ADGRB1: variants seen among roughly 807,000 people sequenced by gnomAD.
ADGRB1 encodes the protein brain-specific angiogenesis inhibitor 1.
ADGRB1 carries 36 observed loss-of-function variants against 175.7 expected under a neutral mutation model. That is an observed-to-expected ratio of 0.20 (90% confidence interval 0.16 to 0.27). The LOEUF is 0.27. Ranked by LOEUF, ADGRB1 falls within the 10% of genes least tolerant of loss-of-function variation. The pLI is 1.00. For synonymous variants in ADGRB1, 1,054 were observed against 979.4 expected (o/e 1.08, Z -1.42); for missense variants, 1,731 against 2,255.3 (o/e 0.77, Z 4.71).
chr8:142,477,650 G>T (rs1266217251), intron 6 of ADGRB1, 101 bp downstream of exon 6: 1 of 1,427,836 alleles, frequency 7.0e-7, no homozygotes, highest in East Asian at 2.5e-5. Flanking sequence ...GCCCACTCCA[G>T]ACCCACCTCA....
rs773481885 is a variant in ADGRB1 at position 142,479,761 on chromosome 8, G to A, written c.1795G>A (p.Val599Met). 6.2e-7 allele frequency: 1 copy of A among 1,613,164 alleles called. No homozygotes were observed. Among genetic ancestry groups the A allele is most frequent in the African/African-American group, 1.3e-5 (1 of 74,808 alleles). Residue 599 changes from valine (V) to methionine (M), a missense_variant, in exon 9 of 31, where the codon GTG becomes ATG. By Grantham distance (21) the Val-to-Met change is conservative. Transcript: ENST00000517894. ...VIWKETPAGE[V>M]AAVRCPRNAT... is the part of the protein sequence containing the mutation. The stretch of plus-strand genomic sequence containing the variant: ...CTGGAAGGAGACCCCAGCGGGAGAG[G>A]TGGCTGCTGTCCGGTGTCCCCGCAA...
intron 26 of ADGRB1, among the ~76,000 whole-genome samples, chr8:142,538,588 C>T (rs1845073921): frequency 1.3e-5 from 2 of 152,210 alleles, no homozygotes; most frequent in African/African-American, 4.8e-5. Flanking sequence ...TCCAGGTTTT[C>T]AGTGAAGGGT....
chr8:142,543,396 C>T lies in ADGRB1; in HGVS notation c.4414-7C>T. 1 of 1,613,788 alleles carries T rather than the reference C, an allele frequency of 6.2e-7. No homozygotes were observed. The highest frequency in any genetic ancestry group is 8.5e-7 in the Non-Finnish European group (1 of 1,179,796). On this transcript the variant is annotated splice_region_variant and splice_polypyrimidine_tract_variant and intron_variant, in intron 28 of 30. Coordinates refer to ENST00000517894, the MANE Select transcript of ADGRB1 (RefSeq NM_001702.3). The surrounding 1 kb of genome is among the most constrained non-coding windows in gnomAD (Gnocchi z 4.4). ...GGCGAATGTTCGCAAACCCCTTCTC[C>T]CTGCAGCGGCGGAAGTCGCGGTATG...
intron 19 of ADGRB1, among the ~76,000 whole-genome samples, chr8:142,520,090 GTTGGTT>G (rs1186329197): frequency 5.3e-5 from 8 of 151,022 alleles, no homozygotes; most frequent in African/African-American, 1.7e-4. Context: ...TGATGGCTGT[GTTGGTT>G]ATGGTGATAG....
At chr8:142,502,885 A>C (rs1271554621) in intron 17 of ADGRB1, among the ~76,000 whole-genome samples, 1 of 151,750 alleles carries the variant, frequency 6.6e-6, no homozygotes, top group East Asian at 1.9e-4. Context: ...TGATGGCATG[A>C]TGCTGATGGT....
intron 17 of ADGRB1, among the ~76,000 whole-genome samples, chr8:142,497,317 A>C (rs1165039060): frequency 6.6e-6 from 1 of 152,156 alleles, no homozygotes; most frequent in Non-Finnish European, 1.5e-5. Context: ...GGTCCCTTTA[A>C]GAGCCTCTCC....
intron 2 of ADGRB1, 93 bp downstream of exon 2, chr8:142,465,075 C>T (rs902350167): frequency 8.3e-6 from 4 of 481,386 alleles, no homozygotes; most frequent in African/African-American, 5.2e-5. Context: ...GGGAAGTGGG[C>T]GGACAGAGGA....
At chr8:142,529,431 G>C (rs1410289488) in intron 24 of ADGRB1, among the ~76,000 whole-genome samples, 1 of 152,166 alleles carries the variant, frequency 6.6e-6, no homozygotes, top group African/African-American at 2.4e-5. Context: ...ACCCCCTTGG[G>C]TGTGCTCTCA....
intron 1 of ADGRB1, among the ~76,000 whole-genome samples, chr8:142,456,174 C>T (rs1397461319): frequency 6.6e-6 from 1 of 152,128 alleles, no homozygotes; most frequent in Non-Finnish European, 1.5e-5. Flanking sequence ...TGTCCCTGTG[C>T]CCATTCCAGA....
rs771541512 is a variant in ADGRB1, at chr8:142,499,103, C to T, written c.2675+8288C>T. ...GCCAAGTGGGGGAGCCCGTGGGCTG[C>T]GAATGCCCACTCCAGGCAGGCCCCT... On this transcript the variant is annotated intron_variant, in intron 17 of 30. Transcript: ENST00000517894. 7.2e-4 allele frequency among the ~76,000 whole-genome samples: 110 copies of T among 152,348 alleles called. 1 individual carries two copies. The highest frequency in any genetic ancestry group is 1.4e-3 in the Admixed American group (21 of 15,306).
At chr8:142,539,560 C>A (rs953991981) in intron 27 of ADGRB1, 147 bp downstream of exon 27, 32 of 1,027,124 alleles carry the variant, frequency 3.1e-5, no homozygotes, top group Non-Finnish European at 4.4e-5. Flanking sequence ...TCAGGCCCAC[C>A]TGGACCCAGG....
intron 17 of ADGRB1, among the ~76,000 whole-genome samples, chr8:142,508,274 G>T (rs892256706): frequency 3.9e-5 from 6 of 152,182 alleles, no homozygotes; most frequent in Non-Finnish European, 8.8e-5. Flanking sequence ...TGGGTCTCAG[G>T]TCCCTGCTCC....
At chr8:142,508,183 C>T (rs1842930248) in intron 17 of ADGRB1, among the ~76,000 whole-genome samples, 1 of 152,172 alleles carries the variant, frequency 6.6e-6, no homozygotes, top group Non-Finnish European at 1.5e-5. Flanking sequence ...TAAACTCAGC[C>T]AATGCAGGTT....
At chr8:142,479,851 G>T (rs1458080633) in intron 9 of ADGRB1, 57 bp downstream of exon 9, 1 of 1,510,068 alleles carries the variant, frequency 6.6e-7, no homozygotes. Context: ...TCACGGTGAT[G>T]CCCACGCTGA....
chr8:142,482,710 C>G (rs1345274478), intron 11 of ADGRB1, among the ~76,000 whole-genome samples: 1 of 151,254 alleles, frequency 6.6e-6, no homozygotes, highest in Non-Finnish European at 1.5e-5. Context: ...ACACTGAGCC[C>G]TGATCATAGG....
Position 142,455,174 on chromosome 8 carries a change from T to G in ADGRB1, c.-220+5070T>G, listed in dbSNP as rs1005359807. On this transcript the variant is annotated intron_variant, in intron 1 of 30. Coordinates refer to ENST00000517894, the MANE Select transcript of ADGRB1 (RefSeq NM_001702.3). The surrounding 1 kb of genome is among the most constrained non-coding windows in gnomAD (Gnocchi z 4.9). Reference sequence around the variant, plus strand: ...CCGCACCCTGCCGCCGGCACCACACTGCACCATCATTCCTATCTGACCCCA... The same window carrying G: ...CCGCACCCTGCCGCCGGCACCACACGGCACCATCATTCCTATCTGACCCCA... Among the ~76,000 whole-genome samples, 1 of 119,150 alleles carries G rather than the reference T, an allele frequency of 8.4e-6. No homozygotes were observed. The highest frequency in any genetic ancestry group is 3.2e-5 in the African/African-American group (1 of 31,548). 78.2% of individuals were successfully genotyped at this position (119,150 alleles called of 152,430 possible). A position where few individuals can be genotyped will look rare whatever the true frequency, so the allele number is the denominator to read the frequency against.
At chr8:142,516,871 C>T (rs1332167152) in intron 18 of ADGRB1, among the ~76,000 whole-genome samples, 3 of 152,126 alleles carry the variant, frequency 2.0e-5, no homozygotes, top group African/African-American at 4.8e-5. Context: ...TGAACTCATC[C>T]ATGTAGAAGC....
intron 22 of ADGRB1, among the ~76,000 whole-genome samples, chr8:142,523,189 G>C (rs1031234772): frequency 1.3e-5 from 2 of 152,252 alleles, no homozygotes; most frequent in Non-Finnish European, 1.5e-5. Context: ...AGCTGGACCA[G>C]GTCCTTGGGG....
rs1484134154 is a variant in ADGRB1 at position 142,500,362 on chromosome 8, G to A, written c.2675+9547G>A. ...GCGCCGCTCCTCCCCCGCCCCCCGC[G>A]CCTTTCCTCCCCTGCCCCCCGCGCC... On this transcript the variant is annotated intron_variant, in intron 17 of 30. Transcript: ENST00000517894. Among the ~76,000 whole-genome samples, 3 of 45,506 alleles carry A rather than the reference G, an allele frequency of 6.6e-5. 1 individual carries two copies. Among genetic ancestry groups the A allele is most frequent in the African/African-American group, 1.1e-4 (1 of 9,326 alleles). 29.9% of individuals were successfully genotyped at this position (45,506 alleles called of 152,430 possible).
Sources: allele counts gnomAD v4.1 joint callset (sites outside exome capture counted in the v4.1 genomes callset), GRCh38; gene constraint gnomAD v4.1.1; non-coding constraint Gnocchi (gnomAD v3.1); transcripts MANE v1.5; gene names NCBI Gene and HGNC (gene_info 2026-07-23, HGNC 2026-07-21).